The following CA14 variants were observed in gnomAD, a reference collection of about 807,000 sequenced individuals.
The protein encoded by CA14 is CA-XIV.
A neutral mutation model predicts 48.8 loss-of-function variants in CA14; 44 were observed. That is an observed-to-expected ratio of 0.90 (90% CI 0.71 to 1.16). The LOEUF (loss-of-function observed/expected upper bound fraction) is 1.16. Ranked by LOEUF, CA14 falls within the 50% of genes most tolerant of loss-of-function variation. CA14 has a pLI of 0.00. For missense variants in CA14, 386 were observed against 401.0 expected, an observed-to-expected ratio of 0.96 and a Z score of 0.32; for synonymous variants, 154 against 155.0, an observed-to-expected ratio of 0.99 and a Z score of 0.05.
At chr1:150,264,338 G>A (rs1651450754) in intron 10 of CA14, among the ~76,000 whole-genome samples, 1 of 152,032 alleles carries the variant, frequency 6.6e-6, no homozygotes, top group African/African-American at 2.4e-5. Flanking sequence ...GAGTAGGTGG[G>A]ACTACAGGCA....
At position 150,261,440 on chromosome 1, in the gene CA14, C is replaced by T. The variant is rs1651019061; in HGVS notation, c.77-19C>T. ...TAGAGCTGGAGGACAGGACCAATGT[C>T]TTTGGTAACCCCCACCAGGCCCACA... On this transcript the variant is annotated intron_variant, in intron 2 of 10. Transcript: ENST00000369111. 6.2e-7 allele frequency: 1 copy of T among 1,611,318 alleles called. No individual in the cohort carries two copies. Among genetic ancestry groups the T allele is most frequent in the Non-Finnish European group, 8.5e-7 (1 of 1,178,212 alleles).
rs1651226632 is a variant in CA14 at position 150,263,131 on chromosome 1, A to T, written c.652A>T (p.Thr218Ser). Reference sequence around the variant, plus strand: ...CTTCCGCTACAATGGCTCGCTCACAACTCCCCCTTGCTACCAGAGTGTGCT... The same window carrying T: ...CTTCCGCTACAATGGCTCGCTCACATCTCCCCCTTGCTACCAGAGTGTGCT... The part of the protein sequence containing the change: ...QYFRYNGSLT[T>S]PPCYQSVLWT... The change falls in exon 7 of 11, where the codon ACT (threonine) becomes TCT (serine). Residue 218 changes from threonine (T) to serine (S), a missense_variant. Transcript: ENST00000369111. 6.2e-7 allele frequency: 1 copy of T among 1,613,564 alleles called. No individual in the cohort carries two copies. Among genetic ancestry groups the T allele is most frequent in the Non-Finnish European group, 8.5e-7 (1 of 1,179,922 alleles).
intron 8 of CA14, 69 bp downstream of exon 8, chr1:150,263,488 T>C: frequency 1.2e-6 from 2 of 1,607,362 alleles, no homozygotes; most frequent in East Asian, 2.2e-5. Flanking sequence ...AGGGAGCCAA[T>C]GGGAAGAAAA....
chr1:150,258,604 C>A (rs1480273400), intron 1 of CA14, among the ~76,000 whole-genome samples: 1 of 152,150 alleles, frequency 6.6e-6, no homozygotes, highest in Non-Finnish European at 1.5e-5. Context: ...ATACTTCCTG[C>A]CCAACTCAGA....
rs782211822 is a variant in CA14, at chr1:150,263,080, C to A, written c.601C>A (p.Leu201Met). The stretch of plus-strand genomic sequence containing the variant: ...AGTGCCTCCCTTCAACCTAAGAGAG[C>A]TGCTCCCCAAACAGCTGGGGCAGTA... ...TSVPPFNLRE[L>M]LPKQLGQYFR... Residue 201 changes from leucine (L) to methionine (M), a missense_variant, in exon 7 of 11, where the codon CTG becomes ATG. Transcript: ENST00000369111. 6.2e-7 allele frequency: 1 copy of A among 1,614,134 alleles called. No homozygotes were observed. Among genetic ancestry groups the A allele is most frequent in the Non-Finnish European group, 8.5e-7 (1 of 1,180,002 alleles).
intron 1 of CA14, 115 bp downstream of exon 1, chr1:150,258,298 C>T (rs1461906647): frequency 8.1e-6 from 6 of 736,560 alleles, no homozygotes; most frequent in Admixed American, 8.0e-5. Flanking sequence ...GAATAATAGG[C>T]TCAGAGATGA....
intron 1 of CA14, among the ~76,000 whole-genome samples, chr1:150,258,509 G>GGACTTCTTT (rs1305541659): frequency 6.6e-6 from 1 of 152,032 alleles, no homozygotes; most frequent in Non-Finnish European, 1.5e-5. Flanking sequence ...CAGGACTCCT[G>GGACTTCTTT]GACTTCTTTA....
At chr1:150,264,553 TTAGA>T in intron 10 of CA14, 36 bp from the exon 11 acceptor site, 1 of 1,155,868 alleles carries the variant, frequency 8.7e-7, no homozygotes, top group Non-Finnish European at 1.3e-6. Context: ...TCTGCTTCAC[TTAGA>T]TAGCAGTCAT....
At chr1:150,261,689 GT>G in intron 3 of CA14, 51 bp downstream of exon 3, 1 of 1,547,728 alleles carries the variant, frequency 6.5e-7, no homozygotes, top group East Asian at 2.3e-5. Context: ...GATCTTAGGA[GT>G]CAGATCCTTT....
chr1:150,258,230 A>T, intron 1 of CA14, 47 bp downstream of exon 1: 1 of 1,533,288 alleles, frequency 6.5e-7, no homozygotes, highest in Non-Finnish European at 9.0e-7. Context: ...TGATGTTCAC[A>T]TGTCGCCAGG....
Position 150,262,849 on chromosome 1 carries a change from T to C in CA14, c.541T>C (p.Leu181=), listed in dbSNP as rs782662029. 3.1e-6 allele frequency: 5 copies of C among 1,613,102 alleles called. No homozygotes were observed. The highest frequency in any genetic ancestry group is 1.7e-5 in the Admixed American group (1 of 60,006). Residue 181 remains leucine (L), a synonymous_variant, in exon 6 of 11, where the codon TTG becomes CTG. Transcript: ENST00000369111. ...AGCTTATGAACACATTCTGAGTCAC[T>C]TGCATGAAGTCAGGCATAAAGGTGA... ...NIAYEHILSH[L]HEVRHKDQKT...
Position 150,263,203 on chromosome 1 carries a change from AGTG to A in CA14, c.720+9_720+11del. 6.2e-7 allele frequency: 1 copy of A among 1,614,088 alleles called. No individual in the cohort carries two copies. The highest frequency in any genetic ancestry group is 1.3e-5 in the African/African-American group (1 of 75,030). Reference sequence around the variant, plus strand: ...GTCCCAGATTTCAATGGAACAGGTAAGTGGTGGAGAAACGAGGTGAGGTGAGAC... The same window carrying A: ...GTCCCAGATTTCAATGGAACAGGTAAGTGGAGAAACGAGGTGAGGTGAGAC... On this transcript the variant is annotated splice_donor_5th_base_variant and intron_variant, in intron 7 of 10. Transcript: ENST00000369111.
At chr1:150,260,195 G>A (rs367911620) in intron 2 of CA14, 24 bp downstream of exon 2, 43 of 1,612,956 alleles carry the variant, frequency 2.7e-5, no homozygotes, top group Non-Finnish European at 3.4e-5. Context: ...AAGGCCTCCC[G>A]ACAACCCTTT....
In CA14 at chr1:150,263,284, G is replaced by A. The variant is rs782711012; in HGVS notation, c.721-15G>A. The A allele has an allele frequency of 1.2e-5, 19 of 1,613,920 alleles. No homozygotes were observed. The highest frequency in any genetic ancestry group is 1.7e-5 in the Admixed American group (1 of 59,982). ...CTCCCCAAAGTAACACCTCTCCCAC[G>A]CTTCTGCTCCTCAGCTGGAAAAGCT... On this transcript the variant is annotated splice_polypyrimidine_tract_variant and intron_variant, in intron 7 of 10. Coordinates refer to ENST00000369111, the MANE Select transcript of CA14 (RefSeq NM_012113.3).
rs1651101310 is a variant in CA14, at chr1:150,262,248, G to T, written c.347G>T (p.Gly116Val). The change falls in exon 4 of 11, where the codon GGA (glycine) becomes GTA (valine). Residue 116 changes from glycine to valine, a missense_variant. Coordinates refer to ENST00000369111, the MANE Select transcript of CA14 (RefSeq NM_012113.3). ...AQLHLHWGQK[G>V]SPGGSEHQIN... ...CTCCACCTGCACTGGGGTCAGAAAG[G>T]ATCCCCAGGGGGGTCAGAACACCAG... 3 of 1,612,694 alleles carry T rather than the reference G, an allele frequency of 1.9e-6. No homozygotes were observed. Among genetic ancestry groups the T allele is most frequent in the East Asian group, 4.5e-5 (2 of 44,870 alleles).
intron 3 of CA14, 30 bp from the exon 4 acceptor site, chr1:150,262,128 A>G (rs1553847987): frequency 6.2e-7 from 1 of 1,613,946 alleles, no homozygotes; most frequent in Non-Finnish European, 8.5e-7. Context: ...ACATGCCTCC[A>G]CCAATCCGAG....
intron 10 of CA14, among the ~76,000 whole-genome samples, chr1:150,264,193 TG>T (rs1489368044): frequency 1.6e-4 from 24 of 151,958 alleles, no homozygotes; most frequent in African/African-American, 5.8e-4. Context: ...CCCAAAGTAC[TG>T]GGATTATAGG....
At position 150,262,104 on chromosome 1, in the gene CA14, G is replaced by A. The variant is rs894291544; in HGVS notation, c.257-54G>A. ...CCCAAGAAGTGGTGGCAACCCAGGA[G>A]TGGGAATGTATCCACATGCCTCCAC... On this transcript the variant is annotated intron_variant, in intron 3 of 10. Transcript: ENST00000369111. The A allele has an allele frequency of 5.0e-6, 8 of 1,609,754 alleles. No individual in the cohort carries two copies. The South Asian group carries it at 6.6e-5, about 13-fold the overall frequency.
At position 150,263,914 on chromosome 1, in the gene CA14, TC is replaced by T. The variant is rs370620757; in HGVS notation, c.947+37del. ...ACTTTCCATTCCTCCAGTCCCTTCT[TC>T]TTTTTTTTTTTTTTTTTGGTAGGTG... On this transcript the variant is annotated intron_variant, in intron 10 of 10. Coordinates refer to ENST00000369111, the MANE Select transcript of CA14 (RefSeq NM_012113.3). 2.3e-4 allele frequency: 267 copies of T among 1,164,294 alleles called. 10 individuals carry two copies. The highest frequency in any genetic ancestry group is 2.3e-3 in the Admixed American group (85 of 37,204). 72.1% of individuals were successfully genotyped at this position (1,164,294 alleles called of 1,614,324 possible).
Sources: allele counts gnomAD v4.1 joint callset (sites outside exome capture counted in the v4.1 genomes callset), GRCh38; gene constraint gnomAD v4.1.1; transcripts MANE v1.5; gene names NCBI Gene and HGNC (gene_info 2026-07-23, HGNC 2026-07-21).